Variants in PPP1R9A observed in about 807,000 individuals in gnomAD.
The protein encoded by PPP1R9A is protein phosphatase 1 regulatory subunit 9A.
In PPP1R9A, 59 loss-of-function variants were observed where a neutral mutation model predicts 141.9. The ratio of observed to expected loss-of-function variants is 0.42; its 90% CI spans 0.34 to 0.52. The LOEUF (loss-of-function observed/expected upper bound fraction) is 0.52, where lower values mean the gene tolerates loss of function less well. PPP1R9A is among the 20% of genes least tolerant of loss of function. PPP1R9A has a pLI of 0.10. For synonymous variants in PPP1R9A, 500 were observed against 569.7 expected (o/e 0.88, Z 1.74); for missense variants, 1,444 against 1,611.9 (o/e 0.90, Z 1.78).
At chr7:95,165,152 AC>A (rs1831053384) in intron 5 of PPP1R9A, among the ~76,000 whole-genome samples, 1 of 152,164 alleles carries the variant, frequency 6.6e-6, no homozygotes, top group South Asian at 2.1e-4. Flanking sequence ...GCATTCATTT[AC>A]TGATCCTCTT....
chr7:95,203,906 CAT>C (rs1415842955), intron 7 of PPP1R9A, among the ~76,000 whole-genome samples, 176 bp downstream of exon 7: 1 of 152,116 alleles, frequency 6.6e-6, no homozygotes, highest in Non-Finnish European at 1.5e-5. Context: ...AATTCTGAAA[CAT>C]AGCATATATT....
intron 4 of PPP1R9A, among the ~76,000 whole-genome samples, chr7:95,151,606 C>T (rs1387445073): frequency 6.6e-6 from 1 of 151,332 alleles, no homozygotes; most frequent in Non-Finnish European, 1.5e-5. Context: ...AGAGTGAATG[C>T]TTATGTCAGC....
Position 95,192,418 on chromosome 7 carries a change from A to G in PPP1R9A, c.1755-5931A>G, listed in dbSNP as rs958154623. The stretch of plus-strand genomic sequence containing the variant: ...AAATGGCATCTCTATTTTCTTTTCA[A>G]TTTAATGTTCTTTGCTTACTAGTGA... On this transcript the variant is annotated intron_variant, in intron 5 of 19. Transcript: ENST00000433360. Among the ~76,000 whole-genome samples, 31 of 152,050 alleles carry G rather than the reference A, an allele frequency of 2.0e-4. 1 individual carries two copies. The highest frequency in any genetic ancestry group is 7.5e-4 in the African/African-American group (31 of 41,532).
intron 2 of PPP1R9A, among the ~76,000 whole-genome samples, chr7:95,094,952 A>G (rs1817840272): frequency 6.8e-6 from 1 of 146,024 alleles, no homozygotes. Context: ...GTGTAGGAGG[A>G]GAAGAGGAAG....
chr7:95,108,278 T>C (rs1819861243), intron 2 of PPP1R9A, among the ~76,000 whole-genome samples: 1 of 149,912 alleles, frequency 6.7e-6, no homozygotes, highest in Admixed American at 6.7e-5. Flanking sequence ...TCTTTTTCTT[T>C]TTCTTTTCTT....
At chr7:95,238,582 G>A (rs1386202254) in intron 8 of PPP1R9A, among the ~76,000 whole-genome samples, 1 of 152,100 alleles carries the variant, frequency 6.6e-6, no homozygotes, top group Admixed American at 6.6e-5. Flanking sequence ...TGATGAATAA[G>A]ACCCTGAAGC....
chr7:95,258,946 C>G (rs1426699887), intron 12 of PPP1R9A, among the ~76,000 whole-genome samples: 1 of 152,134 alleles, frequency 6.6e-6, no homozygotes, highest in African/African-American at 2.4e-5. Flanking sequence ...TATATATCCT[C>G]CAGAAACTCT....
At chr7:95,116,532 A>T (rs1420926477) in intron 3 of PPP1R9A, among the ~76,000 whole-genome samples, 1 of 152,200 alleles carries the variant, frequency 6.6e-6, no homozygotes, top group Non-Finnish European at 1.5e-5. Flanking sequence ...CATGAAATTT[A>T]TCTAGATAAA....
chr7:95,015,227 T>C (rs796600123), intron 2 of PPP1R9A, among the ~76,000 whole-genome samples: 26 of 149,102 alleles, frequency 1.7e-4, no homozygotes, highest in African/African-American at 3.4e-4. Flanking sequence ...AATATATATA[T>C]ACACACACAC....
intron 8 of PPP1R9A, among the ~76,000 whole-genome samples, chr7:95,228,771 C>T (rs963248635): frequency 2.5e-4 from 38 of 152,228 alleles, no homozygotes; most frequent in African/African-American, 8.2e-4. Flanking sequence ...AAAATCACAT[C>T]GAATCTTTTA....
At chr7:95,263,515 A>G (rs1800757154) in intron 12 of PPP1R9A, among the ~76,000 whole-genome samples, 4 of 152,000 alleles carry the variant, frequency 2.6e-5, no homozygotes, top group Admixed American at 2.6e-4. Flanking sequence ...GCTCACTGCA[A>G]CCTGCCTCCT....
chr7:95,268,744 G>A, intron 13 of PPP1R9A, 37 bp downstream of exon 13: 1 of 1,600,032 alleles, frequency 6.2e-7, no homozygotes, highest in African/African-American at 1.3e-5. Context: ...TTGTACTGTT[G>A]GAGTATATCA....
chr7:95,181,669 AATAT>A (rs1213760480), intron 5 of PPP1R9A, among the ~76,000 whole-genome samples: 1 of 129,942 alleles, frequency 7.7e-6, no homozygotes, highest in Non-Finnish European at 1.6e-5. Flanking sequence ...ATATATATAG[AATAT>A]ATATATATTC....
chr7:95,123,074 AATTTTGC>A, intron 4 of PPP1R9A, among the ~76,000 whole-genome samples: 1 of 152,264 alleles, frequency 6.6e-6, no homozygotes, highest in Admixed American at 6.5e-5. Flanking sequence ...AGAAAAATAA[AATTTTGC>A]ATTTAGTAGT....
chr7:95,024,959 T>C (rs1253748423), intron 2 of PPP1R9A, among the ~76,000 whole-genome samples: 1 of 152,202 alleles, frequency 6.6e-6, no homozygotes, highest in Non-Finnish European at 1.5e-5. Flanking sequence ...GGAGCTCTTG[T>C]AAGGCAGGCC....
rs536497474 is a variant in PPP1R9A at position 95,290,018 on chromosome 7, T to A, written c.3913-73T>A. On this transcript the variant is annotated intron_variant, in intron 19 of 19. Transcript: ENST00000433360. ...GTTTGAATTAGTTTACGAACTTGGATATATGGTATGTTAACACCATCAGAG... is the reference window on the plus strand; with the variant it reads ...GTTTGAATTAGTTTACGAACTTGGAAATATGGTATGTTAACACCATCAGAG... The A allele has an allele frequency of 8.9e-6, 14 of 1,570,172 alleles. No homozygotes were observed. In the South Asian group the frequency reaches 1.7e-4, roughly 19 times the overall value.
intron 2 of PPP1R9A, among the ~76,000 whole-genome samples, chr7:94,981,802 A>G (rs547548883): frequency 6.6e-6 from 1 of 152,142 alleles, no homozygotes; most frequent in African/African-American, 2.4e-5. Flanking sequence ...ATTACAGAGA[A>G]GAGTTTCTTT....
intron 4 of PPP1R9A, among the ~76,000 whole-genome samples, chr7:95,131,627 A>T (rs938697822): frequency 1.3e-5 from 2 of 149,252 alleles, no homozygotes; most frequent in Non-Finnish European, 1.5e-5. Context: ...TTTAGGTTCT[A>T]TATGAATTTT....
intron 7 of PPP1R9A, among the ~76,000 whole-genome samples, chr7:95,222,494 T>C (rs1794599235): frequency 6.6e-6 from 1 of 152,008 alleles, no homozygotes; most frequent in Non-Finnish European, 1.5e-5. Context: ...CTCTTCATTT[T>C]TTACCCCTTT....
Sources: gnomAD v4.1 joint callset for allele counts (sites outside exome capture counted in the v4.1 genomes callset) on GRCh38, gnomAD v4.1.1 for gene constraint, MANE v1.5 for transcripts, NCBI Gene and HGNC (gene_info 2026-07-23, HGNC 2026-07-21) for gene names.